Variants in RAPGEF2 observed in about 807,000 individuals in gnomAD.
The protein encoded by RAPGEF2 is PDZ domain containing guanine nucleotide exchange factor (GEF) 1.
RAPGEF2 carries 54 observed loss-of-function variants against 186.7 expected under a neutral mutation model. That is an observed-to-expected ratio of 0.29 (90% confidence interval 0.23 to 0.36). The LOEUF is 0.36. Among genes scored for constraint, RAPGEF2 ranks in the 10% least tolerant of loss-of-function variants. The pLI is 1.00. For missense variants in RAPGEF2, 1,532 were observed against 2,045.0 expected (o/e 0.75, Z 4.84); for synonymous variants, 712 against 705.9 (o/e 1.01, Z -0.14).
In RAPGEF2 at chr4:159,336,406, T is replaced by C. The variant is rs140902040; in HGVS notation, c.2136-1905T>C. Among the ~76,000 whole-genome samples the C allele has an allele frequency of 5.9e-5, 9 of 152,306 alleles. No homozygotes were observed. In the East Asian group the frequency reaches 9.6e-4, roughly 16 times the overall value. ...CTACTCATAGCTTAGCTCCCACTTATAAGTGAGAACATAGGGATTTTGGTT... is the reference window on the plus strand; with the variant it reads ...CTACTCATAGCTTAGCTCCCACTTACAAGTGAGAACATAGGGATTTTGGTT... On this transcript the variant is annotated intron_variant, in intron 17 of 29. Transcript: ENST00000691494.
chr4:159,233,255 T>C (rs1752846659), intron 4 of RAPGEF2, among the ~76,000 whole-genome samples: 1 of 152,232 alleles, frequency 6.6e-6, no homozygotes. Flanking sequence ...TGAGGATTTA[T>C]TCCTGTGCTT....
At chr4:159,203,951 A>C (rs1045503509) in intron 3 of RAPGEF2, among the ~76,000 whole-genome samples, 1 of 152,210 alleles carries the variant, frequency 6.6e-6, no homozygotes, top group Non-Finnish European at 1.5e-5. Context: ...GGAAGAAGGA[A>C]TCTGTGCTCC....
intron 7 of RAPGEF2, among the ~76,000 whole-genome samples, chr4:159,259,509 AT>A (rs1173443600): frequency 1.3e-5 from 2 of 152,198 alleles, no homozygotes; most frequent in African/African-American, 4.8e-5. Flanking sequence ...TTCTAGCTTC[AT>A]TCCAATAGGA....
In RAPGEF2 at chr4:159,305,654, C is replaced by A. The variant is rs184440857; in HGVS notation, c.675+1181C>A. Reference sequence around the variant, plus strand: ...GTGTTCACTCTGTTGATTATTTCTTCTACTGTGCAGAAGGTTTTTAGTTTT... The same window carrying A: ...GTGTTCACTCTGTTGATTATTTCTTATACTGTGCAGAAGGTTTTTAGTTTT... On this transcript the variant is annotated intron_variant, in intron 8 of 29. Coordinates refer to ENST00000691494, the MANE Select transcript of RAPGEF2 (RefSeq NM_001394067.2). Among the ~76,000 whole-genome samples the A allele has an allele frequency of 3.9e-5, 6 of 152,162 alleles. No homozygotes were observed. The East Asian group carries it at 9.6e-4, about 24-fold the overall frequency.
chr4:159,242,452 ATATATCT>A (rs149710609), intron 6 of RAPGEF2, among the ~76,000 whole-genome samples: 2,090 of 152,058 alleles, frequency 0.014, 64 homozygotes, highest in African/African-American at 0.048. Flanking sequence ...AGTTTAAGTG[ATATATCT>A]TATACCCACA....
intron 4 of RAPGEF2, among the ~76,000 whole-genome samples, chr4:159,237,659 G>C (rs969193924): frequency 4.0e-5 from 6 of 151,518 alleles, no homozygotes; most frequent in Non-Finnish European, 8.8e-5. Flanking sequence ...ATAGTTTTTT[G>C]GTAGAATTTT....
At position 159,297,447 on chromosome 4, in the gene RAPGEF2, AGTT is replaced by A. The variant is rs548270609; in HGVS notation, c.544-6891_544-6889del. Among the ~76,000 whole-genome samples, 87 of 152,214 alleles carry A rather than the reference AGTT, an allele frequency of 5.7e-4. 3 individuals carry two copies. Among genetic ancestry groups the A allele is most frequent in the Non-Finnish European group, 1.5e-4 (10 of 68,028 alleles). On this transcript the variant is annotated intron_variant, in intron 7 of 29. Transcript: ENST00000691494. ...ACACATAAATGCACAAAACTACGCA[AGTT>A]GTTATCACTTTGAGAGAATTCTAAA...
At chr4:159,201,606 C>T (rs1046593273) in intron 3 of RAPGEF2, among the ~76,000 whole-genome samples, 1 of 151,910 alleles carries the variant, frequency 6.6e-6, no homozygotes, top group African/African-American at 2.4e-5. Context: ...TCTGTAATAA[C>T]AGCAGTGTAG....
Position 159,193,263 on chromosome 4 carries a change from G to GT in RAPGEF2, c.197+10dup. 1 of 1,477,458 alleles carries GT rather than the reference G, an allele frequency of 6.8e-7. No individual in the cohort carries two copies. Among genetic ancestry groups the GT allele is most frequent in the Non-Finnish European group, 9.0e-7 (1 of 1,115,010 alleles). The allele number at this position is 1,477,458 out of a possible 1,614,324, so 91.5% of individuals were successfully genotyped here. A position where few individuals can be genotyped will look rare whatever the true frequency, so the allele number is the denominator to read the frequency against. ...CAAATGAAGTTTTATACTAGTAGGT[G>GT]TTTCCTTTTTGTTTGTACAATGTAT... is the stretch of plus-strand genomic sequence containing the variant. On this transcript the variant is annotated splice_region_variant and intron_variant, in intron 3 of 29. Coordinates refer to ENST00000691494, the MANE Select transcript of RAPGEF2 (RefSeq NM_001394067.2).
chr4:159,326,058 A>G (rs985759220), intron 11 of RAPGEF2, among the ~76,000 whole-genome samples: 8 of 152,152 alleles, frequency 5.3e-5, no homozygotes, highest in Non-Finnish European at 1.0e-4. Flanking sequence ...TGTAAAAGGA[A>G]TATGTTAAAT....
At chr4:159,265,359 CATG>C (rs1466259340) in intron 7 of RAPGEF2, among the ~76,000 whole-genome samples, 2 of 152,152 alleles carry the variant, frequency 1.3e-5, no homozygotes, top group African/African-American at 4.8e-5. Context: ...TAAACACTAA[CATG>C]AGATTTCTGA....
chr4:159,142,639 AAT>A (rs1207960840), intron 1 of RAPGEF2, among the ~76,000 whole-genome samples: 2 of 152,184 alleles, frequency 1.3e-5, no homozygotes, highest in South Asian at 2.1e-4. Flanking sequence ...AAGAAATAAA[AAT>A]ATATGTTTTA....
At chr4:159,248,834 T>C (rs1358114791) in intron 7 of RAPGEF2, among the ~76,000 whole-genome samples, 1 of 152,256 alleles carries the variant, frequency 6.6e-6, no homozygotes. Flanking sequence ...AAGAATGGTA[T>C]GCAGTGTGCT....
Position 159,344,075 on chromosome 4 carries a change from C to A in RAPGEF2, c.3278+16C>A. 1 of 1,526,482 alleles carries A rather than the reference C, an allele frequency of 6.6e-7. No individual in the cohort carries two copies. Among genetic ancestry groups the A allele is most frequent in the Non-Finnish European group, 9.1e-7 (1 of 1,100,408 alleles). 94.6% of individuals were successfully genotyped at this position (1,526,482 alleles called of 1,614,324 possible). On this transcript the variant is annotated intron_variant, in intron 23 of 29. Coordinates refer to ENST00000691494, the MANE Select transcript of RAPGEF2 (RefSeq NM_001394067.2). ...GGAGTTTGGGGTAAGTGGTGGAGAC[C>A]TTGCATACCCACACACAGTTCTTAT... is the stretch of plus-strand genomic sequence containing the variant.
At position 159,314,406 on chromosome 4, in the gene RAPGEF2, G is replaced by A. The variant is rs371970629; in HGVS notation, c.676-185G>A. 1.2e-4 allele frequency among the ~76,000 whole-genome samples: 19 copies of A among 152,278 alleles called. 1 individual carries two copies. In the East Asian group the frequency reaches 2.7e-3, roughly 22 times the overall value. Reference sequence around the variant, plus strand: ...GTTATTCCTGACCAAAAATTTAATAGGAGGTGGAATCACTCATATTTTGTT... The same window carrying A: ...GTTATTCCTGACCAAAAATTTAATAAGAGGTGGAATCACTCATATTTTGTT... On this transcript the variant is annotated intron_variant, in intron 8 of 29. Coordinates refer to ENST00000691494, the MANE Select transcript of RAPGEF2 (RefSeq NM_001394067.2).
chr4:159,205,624 G>A (rs1235767329), intron 3 of RAPGEF2, among the ~76,000 whole-genome samples: 1 of 152,222 alleles, frequency 6.6e-6, no homozygotes, highest in Middle Eastern at 3.2e-3. Flanking sequence ...CTGTTCTCAT[G>A]ATAGTGGATG....
At chr4:159,108,146 T>A (rs1738080851) in intron 1 of RAPGEF2, among the ~76,000 whole-genome samples, 1 of 152,230 alleles carries the variant, frequency 6.6e-6, no homozygotes, top group Admixed American at 6.5e-5. Flanking sequence ...TATGTGACTT[T>A]GAACAAATGA....
chr4:159,161,022 A>G (rs1744653465), intron 1 of RAPGEF2, among the ~76,000 whole-genome samples: 1 of 152,220 alleles, frequency 6.6e-6, no homozygotes, highest in Non-Finnish European at 1.5e-5. Flanking sequence ...ATAGCTTAAA[A>G]AAATGCTTCT....
chr4:159,280,829 A>G (rs763195063), intron 7 of RAPGEF2, among the ~76,000 whole-genome samples: 4 of 152,182 alleles, frequency 2.6e-5, no homozygotes, highest in Non-Finnish European at 5.9e-5. Flanking sequence ...ATTTTTTTCA[A>G]CTGTGGACCT....
Sources: gnomAD v4.1 joint callset for allele counts (sites outside exome capture counted in the v4.1 genomes callset) on GRCh38, gnomAD v4.1.1 for gene constraint, MANE v1.5 for transcripts, NCBI Gene and HGNC (gene_info 2026-07-23, HGNC 2026-07-21) for gene names.